BABAM2: variants seen among roughly 807,000 people sequenced by gnomAD.
The protein encoded by BABAM2 is BRISC and BRCA1 A complex member 2, also known as BRISC and BRCA1-A complex member 2.
BABAM2 carries 31 observed loss-of-function variants against 54.7 expected under a neutral mutation model. The ratio of observed to expected loss-of-function variants is 0.57; its 90% CI spans 0.43 to 0.77. The LOEUF (loss-of-function observed/expected upper bound fraction) is 0.77, where lower values mean the gene tolerates loss of function less well. BABAM2 is among the 30% of genes least tolerant of loss of function. BABAM2 has a pLI of 0.00. For missense variants in BABAM2, 364 were observed against 455.8 expected (o/e 0.80, Z 1.83); for synonymous variants, 167 against 162.9 (o/e 1.03, Z -0.19).
chr2:28,167,400 T>C (rs955269513), intron 7 of BABAM2, among the ~76,000 whole-genome samples: 1 of 152,158 alleles, frequency 6.6e-6, no homozygotes, highest in African/African-American at 2.4e-5. Context: ...TATTTTTAAA[T>C]GATGCCGTTT....
intron 6 of BABAM2, among the ~76,000 whole-genome samples, chr2:28,126,130 T>G (rs984294526): frequency 6.6e-6 from 1 of 151,770 alleles, no homozygotes; most frequent in South Asian, 2.1e-4. Context: ...TAATCTAAAA[T>G]TTTTTTTTAA....
intron 10 of BABAM2, among the ~76,000 whole-genome samples, chr2:28,248,972 T>C (rs1036667738): frequency 6.6e-6 from 1 of 152,142 alleles, no homozygotes; most frequent in African/African-American, 2.4e-5. Flanking sequence ...CTTAAGATAC[T>C]TACAGTAACA....
chr2:28,273,667 C>T (rs760706998), intron 10 of BABAM2, among the ~76,000 whole-genome samples: 2 of 151,916 alleles, frequency 1.3e-5, no homozygotes, highest in Non-Finnish European at 2.9e-5. Context: ...TGCAGTGAGC[C>T]GAGATTATAC....
At chr2:27,932,581 C>T (rs1288036618) in intron 3 of BABAM2, among the ~76,000 whole-genome samples, 2 of 152,158 alleles carry the variant, frequency 1.3e-5, no homozygotes, top group African/African-American at 2.4e-5. Context: ...GAGTCAACTG[C>T]TCTAGCTCTC....
intron 3 of BABAM2, among the ~76,000 whole-genome samples, chr2:27,939,883 CCATT>C (rs1241782306): frequency 1.4e-4 from 21 of 152,044 alleles, no homozygotes; most frequent in African/African-American, 4.3e-4. Flanking sequence ...AGAATTATCC[CCATT>C]CAAAGTTAAA....
chr2:28,094,652 A>G lies in BABAM2; in HGVS notation c.571-34619A>G, dbSNP rs535568973. 3.9e-4 allele frequency among the ~76,000 whole-genome samples: 60 copies of G among 152,200 alleles called. 1 individual carries two copies. Among genetic ancestry groups the G allele is most frequent in the African/African-American group, 1.4e-3 (57 of 41,528 alleles). On this transcript the variant is annotated intron_variant, in intron 6 of 11. Coordinates refer to ENST00000379624, the MANE Select transcript of BABAM2 (RefSeq NM_199191.3). ...ATGACTCAAAAATGTTTAAAAAGATATACATTGAAAAAAATCTCACTCCCA... is the reference window on the plus strand; with the variant it reads ...ATGACTCAAAAATGTTTAAAAAGATGTACATTGAAAAAAATCTCACTCCCA...
intron 11 of BABAM2, among the ~76,000 whole-genome samples, chr2:28,337,684 A>G (rs1200783738): frequency 6.6e-6 from 1 of 152,210 alleles, no homozygotes; most frequent in Non-Finnish European, 1.5e-5. Flanking sequence ...GAGCCCATGA[A>G]TCATTTAGAA....
chr2:27,907,667 A>G (rs1007892582), intron 2 of BABAM2, among the ~76,000 whole-genome samples: 1 of 152,082 alleles, frequency 6.6e-6, no homozygotes, highest in Non-Finnish European at 1.5e-5. Context: ...TCTACCATTA[A>G]ACAACAACTT....
chr2:28,090,137 C>T (rs115519145), intron 6 of BABAM2, among the ~76,000 whole-genome samples: 3 of 152,166 alleles, frequency 2.0e-5, no homozygotes, highest in Non-Finnish European at 4.4e-5. Context: ...AACTTCTTAA[C>T]TCCTAGTACA....
At chr2:28,100,734 C>CA (rs1470364068) in intron 6 of BABAM2, among the ~76,000 whole-genome samples, 1 of 152,140 alleles carries the variant, frequency 6.6e-6, no homozygotes, top group African/African-American at 2.4e-5. Context: ...CCTGCAGAAG[C>CA]ATAACGACTA....
chr2:27,981,035 A>G (rs930486008), intron 3 of BABAM2, among the ~76,000 whole-genome samples: 3 of 152,136 alleles, frequency 2.0e-5, no homozygotes, highest in Admixed American at 6.5e-5. Flanking sequence ...TTATATATCT[A>G]TAATAGTTAA....
At chr2:28,215,852 A>AT (rs1318593044) in intron 7 of BABAM2, among the ~76,000 whole-genome samples, 2 of 152,050 alleles carry the variant, frequency 1.3e-5, no homozygotes, top group Non-Finnish European at 1.5e-5. Context: ...CTGTAACTGT[A>AT]TTTTAAGCCA....
intron 10 of BABAM2, among the ~76,000 whole-genome samples, chr2:28,271,061 C>T (rs541804245): frequency 7.2e-5 from 11 of 152,110 alleles, no homozygotes; most frequent in Non-Finnish European, 1.3e-4. Context: ...AAGGCTATAG[C>T]GTGTCTTATT....
chr2:28,112,182 C>CTTCCTTCCTTCTTT (rs1189482940), intron 6 of BABAM2, among the ~76,000 whole-genome samples: 1 of 67,986 alleles, frequency 1.5e-5, no homozygotes, highest in African/African-American at 6.3e-5. Context: ...TCCCTCCCTC[C>CTTCCTTCCTTCTTT]CTCCCTCCCT....
chr2:28,267,816 G>C (rs1385426644), intron 10 of BABAM2, among the ~76,000 whole-genome samples: 7 of 152,192 alleles, frequency 4.6e-5, no homozygotes, highest in Non-Finnish European at 2.9e-5. Context: ...TGGGAAATTT[G>C]TTTGGGTATG....
At chr2:28,080,992 A>G (rs1488558685) in intron 6 of BABAM2, among the ~76,000 whole-genome samples, 1 of 152,244 alleles carries the variant, frequency 6.6e-6, no homozygotes, top group Non-Finnish European at 1.5e-5. Flanking sequence ...GCAATGTATC[A>G]TGCTTTCCTG....
intron 4 of BABAM2, among the ~76,000 whole-genome samples, chr2:27,989,109 T>G (rs914689528): frequency 3.3e-5 from 5 of 152,100 alleles, no homozygotes; most frequent in African/African-American, 4.8e-5. Context: ...CAGCTGTAAT[T>G]TTTTTAATTA....
At chr2:28,279,864 C>T (rs915144892) in intron 10 of BABAM2, among the ~76,000 whole-genome samples, 1 of 151,568 alleles carries the variant, frequency 6.6e-6, no homozygotes, top group Non-Finnish European at 1.5e-5. Flanking sequence ...TGGGGTTTCT[C>T]CATGTTGGTT....
At position 27,893,545 on chromosome 2, in the gene BABAM2, T is replaced by G. The variant is rs565452431; in HGVS notation, c.-24-988T>G. Among the ~76,000 whole-genome samples the G allele has an allele frequency of 1.1e-4, 16 of 152,350 alleles. No individual in the cohort carries two copies. The East Asian group carries it at 3.1e-3, about 29-fold the overall frequency. ...AAATATTTCTCTAACTTTTGTCCCC[T>G]TACTCATTTATTTATTAAAAAATGT... is the stretch of plus-strand genomic sequence containing the variant. On this transcript the variant is annotated intron_variant, in intron 1 of 11. Transcript: ENST00000379624.
Sources: allele counts gnomAD v4.1 joint callset (sites outside exome capture counted in the v4.1 genomes callset), GRCh38; gene constraint gnomAD v4.1.1; transcripts MANE v1.5; gene names NCBI Gene and HGNC (gene_info 2026-07-23, HGNC 2026-07-21).